The following CBX8 variants were observed in gnomAD, a reference collection of about 807,000 sequenced individuals.
The protein encoded by CBX8 is chromobox 8.
In CBX8, 8 loss-of-function variants were observed where a neutral mutation model predicts 39.7. The observed-to-expected ratio is 0.20, with a 90% CI of 0.12 to 0.36. CBX8 has a LOEUF of 0.36. Ranked by LOEUF, CBX8 falls within the 10% of genes least tolerant of loss-of-function variation. The pLI, the probability that CBX8 is intolerant of heterozygous loss-of-function variation, is 1.00. For synonymous variants in CBX8, 268 were observed against 219.8 expected, an observed-to-expected ratio of 1.22 and a Z score of -1.94; for missense variants, 505 against 529.6, an observed-to-expected ratio of 0.95 and a Z score of 0.46.
rs1158595547 is a variant in CBX8 at position 79,796,557 on chromosome 17, GATA to G, written c.70-20_70-18del. 1.2e-6 allele frequency: 2 copies of G among 1,614,018 alleles called. No homozygotes were observed. The highest frequency in any genetic ancestry group is 1.7e-6 in the Non-Finnish European group (2 of 1,179,920). ...CATGCGTCCCTGCGGGTGCAAAGGCGATAATGTGTGTGCATGGGGAGAAACGCA... is the reference window on the plus strand; with the variant it reads ...CATGCGTCCCTGCGGGTGCAAAGGCGATGTGTGTGCATGGGGAGAAACGCA... On this transcript the variant is annotated intron_variant, in intron 1 of 4. Transcript: ENST00000269385.
chr17:79,794,419 CAT>C lies in CBX8; in HGVS notation c.*214_*215del, dbSNP rs1250831118. 12 of 346,212 alleles carry C rather than the reference CAT, an allele frequency of 3.5e-5. No homozygotes were observed. The highest frequency in any genetic ancestry group is 5.7e-5 in the Non-Finnish European group (11 of 193,470). The allele number at this position is 346,212 out of a possible 1,614,324, so 21.4% of individuals were successfully genotyped here. ...ATATTTAGATATTTTTCTTAAATAA[CAT>C]ATTTACATCTAATAGAAAATATAAC... On this transcript the variant is annotated 3_prime_UTR_variant, in exon 5 of 5. Coordinates refer to ENST00000269385, the MANE Select transcript of CBX8 (RefSeq NM_020649.3).
At position 79,794,993 on chromosome 17, in the gene CBX8, G is replaced by A. The variant is rs1299591829; in HGVS notation, c.812C>T (p.Ala271Val). The A allele has an allele frequency of 1.9e-6, 3 of 1,605,878 alleles. No homozygotes were observed. The highest frequency in any genetic ancestry group is 1.7e-5 in the Admixed American group (1 of 59,158). ...GGTGTCCACAGCCAGTTTGCCCGTG[G>A]CCTCAGCTGAGCTAGGGCTGGTCAC... ...CGVTSPSSAE[A>V]TGKLAVDTFP... is the part of the protein sequence containing the mutation. The change falls in exon 5 of 5, where the codon GCC (alanine) becomes GTC (valine). Residue 271 changes from alanine (A) to valine (V), a missense_variant. Ala to Val is a moderately conservative substitution (Grantham distance 64, BLOSUM62 0). Around this residue, in one of 3 missense-constraint regions of CBX8, gnomAD observed 456 missense variants for 389.2 expected, o/e 1.17. Transcript: ENST00000269385.
chr17:79,795,343 C>G lies in CBX8; in HGVS notation c.462G>C (p.Arg154=). The G allele has an allele frequency of 6.3e-7, 1 of 1,589,198 alleles. No individual in the cohort carries two copies. Among genetic ancestry groups the G allele is most frequent in the Non-Finnish European group, 8.6e-7 (1 of 1,167,716 alleles). ...AEAPRDRDRD[R]DRDRERDRER... is the part of the protein sequence containing the mutation. ...CTCGATCCCGCTCCCGGTCCCTATC[C>G]CGGTCTCGGTCCCGGTCCCGAGGGG... Residue 154 remains arginine, a synonymous_variant, in exon 5 of 5, where the codon CGG becomes CGC. Transcript: ENST00000269385. The surrounding 1 kb of genome is among the most constrained non-coding windows in gnomAD (Gnocchi z 5.8).
intron 1 of CBX8, 42 bp from the exon 2 acceptor site, chr17:79,796,582 C>T (rs1281394018): frequency 3.1e-6 from 5 of 1,609,622 alleles, no homozygotes; most frequent in Non-Finnish European, 4.3e-6. Context: ...TGGGGAGAAA[C>T]GCATGACGAG....
At position 79,794,624 on chromosome 17, in the gene CBX8, C is replaced by A; in HGVS notation, c.*11G>T. The A allele has an allele frequency of 1.9e-6, 3 of 1,540,252 alleles. No individual in the cohort carries two copies. The highest frequency in any genetic ancestry group is 1.8e-4 in the Middle Eastern group (1 of 5,694). On this transcript the variant is annotated 3_prime_UTR_variant, in exon 5 of 5. Coordinates refer to ENST00000269385, the MANE Select transcript of CBX8 (RefSeq NM_020649.3). ...TCCCCTGCTCTCCTCCTGGACACACCCACCCAGCATTCATCTTTTCTCTTT... is the reference window on the plus strand; with the variant it reads ...TCCCCTGCTCTCCTCCTGGACACACACACCCAGCATTCATCTTTTCTCTTT...
rs1228803703 is a variant in CBX8 at position 79,793,978 on chromosome 17, C to A, written c.*657G>T. 3 of 151,964 alleles carry A rather than the reference C, an allele frequency of 2.0e-5. No individual in the cohort carries two copies. Among genetic ancestry groups the A allele is most frequent in the Non-Finnish European group, 4.4e-5 (3 of 68,022 alleles). The allele number at this position is 151,964 out of a possible 1,614,324, so 9.4% of individuals were successfully genotyped here. ...TCCCTGCCTGCTGGGGACGTTTTAA[C>A]CTTCAACATCACACACGAAAAGCTT... On this transcript the variant is annotated 3_prime_UTR_variant, in exon 5 of 5. Transcript: ENST00000269385.
rs1598234644 is a variant in CBX8 at position 79,794,325 on chromosome 17, G to A, written c.*310C>T. ...GGCCCCTCCTGCCCCAGCTCATTCG[G>A]GCTGCCCCAACTAAAGCACAATGAG... is the stretch of plus-strand genomic sequence containing the variant. On this transcript the variant is annotated 3_prime_UTR_variant, in exon 5 of 5. Coordinates refer to ENST00000269385, the MANE Select transcript of CBX8 (RefSeq NM_020649.3). The A allele has an allele frequency of 1.2e-5, 2 of 160,530 alleles. No individual in the cohort carries two copies. The highest frequency in any genetic ancestry group is 3.6e-4 in the East Asian group (2 of 5,568). The allele number at this position is 160,530 out of a possible 1,614,324, so 9.9% of individuals were successfully genotyped here.
rs1907992848 is a variant in CBX8 at position 79,794,511 on chromosome 17, G to A, written c.*124C>T. The A allele has an allele frequency of 1.6e-6, 1 of 637,772 alleles. No homozygotes were observed. Among genetic ancestry groups the A allele is most frequent in the Non-Finnish European group, 2.7e-6 (1 of 374,826 alleles). The allele number at this position is 637,772 out of a possible 1,614,324, so 39.5% of individuals were successfully genotyped here. ...AGGAGGGATGAAAGGGGCTGGTGGG[G>A]TGGGGGTGACATCAGGGACGGGACC... On this transcript the variant is annotated 3_prime_UTR_variant, in exon 5 of 5. Transcript: ENST00000269385.
intron 2 of CBX8, 44 bp from the exon 3 acceptor site, chr17:79,796,359 G>A (rs371481200): frequency 2.5e-6 from 4 of 1,606,396 alleles, no homozygotes; most frequent in African/African-American, 2.7e-5. Flanking sequence ...CCAGGAGCAG[G>A]GTGAGAGCAG....
At chr17:79,796,445 G>C (rs1006135046) in intron 2 of CBX8, 52 bp downstream of exon 2, 8 of 1,611,932 alleles carry the variant, frequency 5.0e-6, no homozygotes, top group Non-Finnish European at 5.9e-6. Context: ...GAGGAAGAAA[G>C]AAACCTCCCG....
chr17:79,794,518 T>A lies in CBX8; in HGVS notation c.*117A>T. On this transcript the variant is annotated 3_prime_UTR_variant, in exon 5 of 5. Transcript: ENST00000269385. ...ATGAAAGGGGCTGGTGGGGTGGGGGTGACATCAGGGACGGGACCAGCCAAA... is the reference window on the plus strand; with the variant it reads ...ATGAAAGGGGCTGGTGGGGTGGGGGAGACATCAGGGACGGGACCAGCCAAA... 2 of 659,218 alleles carry A rather than the reference T, an allele frequency of 3.0e-6. No homozygotes were observed. The highest frequency in any genetic ancestry group is 5.0e-6 in the Non-Finnish European group (2 of 399,528). The allele number at this position is 659,218 out of a possible 1,614,324, so 40.8% of individuals were successfully genotyped here.
Position 79,796,956 on chromosome 17 carries a change from C to T in CBX8, c.43G>A (p.Ala15Thr). 6.2e-7 allele frequency: 1 copy of T among 1,611,002 alleles called. No homozygotes were observed. Among genetic ancestry groups the T allele is most frequent in the Non-Finnish European group, 8.5e-7 (1 of 1,179,068 alleles). The change falls in exon 1 of 5, where the codon GCC (alanine) becomes ACC (threonine). Residue 15 changes from alanine (A) to threonine (T), a missense_variant. Transcript: ENST00000269385. ...AVGERVFAAE[A>T]LLKRRIRKGR... Reference sequence around the variant, plus strand: ...TTCCGTATGCGCCGCTTCAGGAGGGCTTCGGCCGCGAACACCCGCTCCCCC... The same window carrying T: ...TTCCGTATGCGCCGCTTCAGGAGGGTTTCGGCCGCGAACACCCGCTCCCCC...
Position 79,795,913 on chromosome 17 carries a change from T to TG in CBX8, c.246+143dup. The TG allele has an allele frequency of 1.3e-6, 1 of 768,642 alleles. No homozygotes were observed. The highest frequency in any genetic ancestry group is 2.2e-6 in the Non-Finnish European group (1 of 448,850). The allele number at this position is 768,642 out of a possible 1,614,324, so 47.6% of individuals were successfully genotyped here. A position where few individuals can be genotyped will look rare whatever the true frequency, so the allele number is the denominator to read the frequency against. ...GACACAGTTGGTGCTGCTACTGACT[T>TG]GGTGACATCTTGTCAGGGAACTCCC... is the stretch of plus-strand genomic sequence containing the variant. On this transcript the variant is annotated intron_variant, in intron 4 of 4. Transcript: ENST00000269385. The surrounding 1 kb of genome is among the most constrained non-coding windows in gnomAD (Gnocchi z 5.8).
intron 3 of CBX8, 35 bp downstream of exon 3, chr17:79,796,215 C>G (rs751774373): frequency 3.7e-6 from 6 of 1,614,102 alleles, no homozygotes; most frequent in Non-Finnish European, 5.1e-6. Context: ...CTACTTGTTT[C>G]TAAGTGAGCG....
At position 79,794,638 on chromosome 17, in the gene CBX8, T is replaced by C; in HGVS notation, c.1167A>G (p.Arg389=). 1 of 1,562,010 alleles carries C rather than the reference T, an allele frequency of 6.4e-7. No homozygotes were observed. Among genetic ancestry groups the C allele is most frequent in the Non-Finnish European group, 8.6e-7 (1 of 1,158,046 alleles). Reference sequence around the variant, plus strand: ...CCTGGACACACCCACCCAGCATTCATCTTTTCTCTTTAAAAAAGCCTTGGT... The same window carrying C: ...CCTGGACACACCCACCCAGCATTCACCTTTTCTCTTTAAAAAAGCCTTGGT... The part of the protein sequence containing the change: ...NTDQGFFKEK[R] The change falls in exon 5 of 5, where the codon AGA becomes AGG. Residue 389 remains arginine, a synonymous_variant. Coordinates refer to ENST00000269385, the MANE Select transcript of CBX8 (RefSeq NM_020649.3).
chr17:79,794,532 G>A lies in CBX8; in HGVS notation c.*103C>T. ...TGGGGTGGGGGTGACATCAGGGACG[G>A]GACCAGCCAAAAGGCCACATCCCAC... On this transcript the variant is annotated 3_prime_UTR_variant, in exon 5 of 5. Coordinates refer to ENST00000269385, the MANE Select transcript of CBX8 (RefSeq NM_020649.3). 1.2e-6 allele frequency: 1 copy of A among 864,752 alleles called. No homozygotes were observed. The allele number at this position is 864,752 out of a possible 1,614,324, so 53.6% of individuals were successfully genotyped here.
Position 79,795,464 on chromosome 17 carries a change from A to G in CBX8, c.341T>C (p.Leu114Pro), listed in dbSNP as rs1360951208. The change falls in exon 5 of 5, where the codon CTG (leucine) becomes CCG (proline). Residue 114 changes from leucine (L) to proline (P), a missense_variant. By Grantham distance (98) the Leu-to-Pro change is moderately conservative (BLOSUM62 -3). Coordinates refer to ENST00000269385, the MANE Select transcript of CBX8 (RefSeq NM_020649.3). The surrounding 1 kb of genome is among the most constrained non-coding windows in gnomAD (Gnocchi z 5.8). ...IPYPGRSPQD[L>P]ASTSRAREGL... ...CTCCCGGGCCCGGGAAGTGGAGGCC[A>G]GGTCCTGGGGCGAGCGGCCAGGGTA... The G allele has an allele frequency of 6.2e-7, 1 of 1,605,566 alleles. No homozygotes were observed. The highest frequency in any genetic ancestry group is 1.3e-5 in the African/African-American group (1 of 74,802).
At position 79,794,728 on chromosome 17, in the gene CBX8, C is replaced by G. The variant is rs751216903; in HGVS notation, c.1077G>C (p.Glu359Asp). ...AGGTCACGTCCGTGACCACCACCTT[C>G]TCCAGGTTAGTCAGGGAGGGGCTCC... ...ESWSPSLTNL[E>D]KVVVTDVTSN... The change falls in exon 5 of 5, where the codon GAG becomes GAC. Residue 359 changes from glutamate to aspartate, a missense_variant. Around this residue, in one of 3 missense-constraint regions of CBX8, gnomAD observed 17 missense variants for 39.0 expected, o/e 0.44. Transcript: ENST00000269385. 22 of 1,613,262 alleles carry G rather than the reference C, an allele frequency of 1.4e-5. No homozygotes were observed. The highest frequency in any genetic ancestry group is 1.6e-4 in the Middle Eastern group (1 of 6,072).
Position 79,795,456 on chromosome 17 carries a change from T to C in CBX8, c.349A>G (p.Thr117Ala). The change falls in exon 5 of 5, where the codon ACT becomes GCT. Residue 117 changes from threonine (T) to alanine (A), a missense_variant. Physicochemically the swap from Thr to Ala is moderately conservative, Grantham distance 58 (BLOSUM62 0). Around this residue, in one of 3 missense-constraint regions of CBX8, gnomAD observed 456 missense variants for 389.2 expected, o/e 1.17. Transcript: ENST00000269385. This position sits in a 1 kb window ranked among gnomAD's most constrained non-coding sequence, Gnocchi z 5.8. ...CGAAGGCCCTCCCGGGCCCGGGAAG[T>C]GGAGGCCAGGTCCTGGGGCGAGCGG... Reference protein sequence around the residue: ...PGRSPQDLASTSRAREGLRNM... With the variant: ...PGRSPQDLASASRAREGLRNM... 5 of 1,606,750 alleles carry C rather than the reference T, an allele frequency of 3.1e-6. No homozygotes were observed. Among genetic ancestry groups the C allele is most frequent in the Non-Finnish European group, 4.2e-6 (5 of 1,176,548 alleles).
Sources: allele counts gnomAD v4.1 joint callset, GRCh38; gene constraint gnomAD v4.1.1; regional missense constraint gnomAD v4.1.1; non-coding constraint Gnocchi (gnomAD v3.1); transcripts MANE v1.5; gene names NCBI Gene and HGNC (gene_info 2026-07-23, HGNC 2026-07-21).